SLC17A1: variants seen among roughly 807,000 people sequenced by gnomAD.
The protein encoded by SLC17A1 is solute carrier family 17 member 1.
In SLC17A1, 51 loss-of-function variants were observed where a neutral mutation model predicts 53.5. The ratio of observed to expected loss-of-function variants is 0.95; its 90% CI spans 0.76 to 1.20. The LOEUF (loss-of-function observed/expected upper bound fraction) is 1.20. Among genes scored for constraint, SLC17A1 ranks in the 50% most tolerant of loss-of-function variants. The pLI is 0.00. For missense variants in SLC17A1, 538 were observed against 568.2 expected (o/e 0.95, Z 0.54); for synonymous variants, 179 against 198.8 (o/e 0.90, Z 0.84).
rs747924536 is a variant in SLC17A1 at position 25,830,525 on chromosome 6, T to G, written c.33A>C (p.Lys11Asn). 1 of 1,608,428 alleles carries G rather than the reference T, an allele frequency of 6.2e-7. No individual in the cohort carries two copies. Among genetic ancestry groups the G allele is most frequent in the Admixed American group, 1.7e-5 (1 of 59,986 alleles). Residue 11 changes from lysine to asparagine, a missense_variant and splice_region_variant, in exon 2 of 13, where the codon AAA (lysine) becomes AAC (asparagine). Lys to Asn is a moderately conservative substitution (Grantham distance 94). Coordinates refer to ENST00000244527, the MANE Select transcript of SLC17A1 (RefSeq NM_005074.5). MQMDNRLPPK[K>N]VPGFCSFRYG... ...TAATGGAACAGAATAAAGTGCTACC[T>G]TTTTTGGGAGGCAACCGGTTATCCA...
At chr6:25,770,776 C>A in the SLC17A1 span, 1 of 684,626 alleles carries the variant, frequency 1.5e-6, no homozygotes, top group Non-Finnish European at 2.6e-6. Flanking sequence ...AATAACTTCT[C>A]CAAGATCACA....
intron 12 of SLC17A1, among the ~76,000 whole-genome samples, chr6:25,786,017 A>T (rs1561821106): frequency 6.6e-6 from 1 of 152,232 alleles, no homozygotes; most frequent in Non-Finnish European, 1.5e-5. Context: ...AAAAACTTGT[A>T]CACACAAATG....
chr6:25,769,557 TAA>T, the SLC17A1 span, among the ~76,000 whole-genome samples: 7 of 136,018 alleles, frequency 5.1e-5, no homozygotes, highest in Admixed American at 1.5e-4. Context: ...GATTCTGTCT[TAA>T]AAAAAAAAAA....
chr6:25,826,345 A>C (rs1266243774), intron 3 of SLC17A1, 116 bp downstream of exon 3: 2 of 788,238 alleles, frequency 2.5e-6, no homozygotes, highest in Non-Finnish European at 3.8e-6. Context: ...AGGTAGATGA[A>C]GACTTGAGCT....
In SLC17A1 at chr6:25,799,665, ACTGT is replaced by A. The variant is rs1214729337; in HGVS notation, c.1270-750_1270-747del. The stretch of plus-strand genomic sequence containing the variant: ...AAAGCTGAGGCAGGGGCAGATGAGA[ACTGT>A]CTAAGTTAACTTATAGGCAGAGACA... On this transcript the variant is annotated intron_variant, in intron 11 of 12. Coordinates refer to ENST00000244527, the MANE Select transcript of SLC17A1 (RefSeq NM_005074.5). Among the ~76,000 whole-genome samples the A allele has an allele frequency of 2.1e-4, 32 of 152,312 alleles. 1 individual carries two copies. The highest frequency in any genetic ancestry group is 3.4e-3 in the Middle Eastern group (1 of 294).
chr6:25,727,862 A>G, the SLC17A1 span, among the ~76,000 whole-genome samples: 2 of 152,070 alleles, frequency 1.3e-5, no homozygotes, highest in African/African-American at 4.8e-5. Context: ...TACTAAAAAT[A>G]CAAAAATCAG....
chr6:25,726,278 G>A, the SLC17A1 span: 322 of 1,614,096 alleles, frequency 2.0e-4, no homozygotes, highest in African/African-American at 3.2e-3. Flanking sequence ...GCTAGCTGCA[G>A]GTGGCGGGGA....
At chr6:25,819,948 C>G (rs1251289546) in intron 3 of SLC17A1, 33 bp from the exon 4 acceptor site, 1 of 1,413,314 alleles carries the variant, frequency 7.1e-7, no homozygotes, top group Admixed American at 1.9e-5. Context: ...TCGAATCACT[C>G]TGCATATCAG....
chr6:25,829,399 T>A (rs1439437743), intron 2 of SLC17A1, among the ~76,000 whole-genome samples: 7 of 152,108 alleles, frequency 4.6e-5, no homozygotes. Context: ...CCTGAGAAAT[T>A]TAATCATCAG....
chr6:25,781,569 T>C (rs967748849), downstream of SLC17A1, among the ~76,000 whole-genome samples: 3 of 152,166 alleles, frequency 2.0e-5, no homozygotes, highest in African/African-American at 7.2e-5. Context: ...GTGATTGTGA[T>C]GGCTGGAAAG....
chr6:25,763,429 C>A, the SLC17A1 span, among the ~76,000 whole-genome samples: 1 of 152,190 alleles, frequency 6.6e-6, no homozygotes, highest in Non-Finnish European at 1.5e-5. Flanking sequence ...ATAAACCTTG[C>A]AGAGTGCTTT....
the SLC17A1 span, chr6:25,770,401 T>C: frequency 6.2e-7 from 1 of 1,614,012 alleles, no homozygotes; most frequent in South Asian, 1.1e-5. Context: ...TATTAACTGG[T>C]CAGTATTCAA....
chr6:25,809,245 A>C (rs1764065064), intron 10 of SLC17A1, among the ~76,000 whole-genome samples: 1 of 152,052 alleles, frequency 6.6e-6, no homozygotes, highest in African/African-American at 2.4e-5. Context: ...AGAGACTTGG[A>C]AGAGTGGGAG....
the SLC17A1 span, among the ~76,000 whole-genome samples, chr6:25,728,164 AAG>A: frequency 1.3e-5 from 2 of 152,214 alleles, no homozygotes; most frequent in African/African-American, 4.8e-5. Flanking sequence ...ACCTCACAAA[AAG>A]GGAATAGTTT....
chr6:25,730,746 T>C, the SLC17A1 span, among the ~76,000 whole-genome samples: 1 of 152,234 alleles, frequency 6.6e-6, no homozygotes, highest in Admixed American at 6.5e-5. Context: ...TACACAATTT[T>C]TGTCAATTTA....
the SLC17A1 span, chr6:25,726,967 T>C: frequency 6.2e-7 from 1 of 1,614,134 alleles, no homozygotes; most frequent in Non-Finnish European, 8.5e-7. Flanking sequence ...AAGAAAGCTG[T>C]CGTTAAGACC....
intron 6 of SLC17A1, among the ~76,000 whole-genome samples, chr6:25,815,383 A>T (rs1287926570): frequency 6.6e-6 from 1 of 152,158 alleles, no homozygotes; most frequent in Non-Finnish European, 1.5e-5. Context: ...AATAAATAAA[A>T]AAAAAAGTTA....
the SLC17A1 span, chr6:25,770,241 G>A: frequency 1.2e-6 from 2 of 1,614,078 alleles, no homozygotes; most frequent in South Asian, 1.1e-5. Context: ...CATTCCACTG[G>A]CAGCTAATGC....
At chr6:25,806,770 A>G (rs908651677) in intron 10 of SLC17A1, among the ~76,000 whole-genome samples, 1 of 152,124 alleles carries the variant, frequency 6.6e-6, no homozygotes, top group Non-Finnish European at 1.5e-5. Context: ...AAGAATTGCA[A>G]ACTATGCATT....
Sources: allele counts gnomAD v4.1 joint callset (sites outside exome capture counted in the v4.1 genomes callset), GRCh38; gene constraint gnomAD v4.1.1; transcripts MANE v1.5; gene names NCBI Gene and HGNC (gene_info 2026-07-23, HGNC 2026-07-21).